Variants in ETAA1 observed in about 807,000 individuals in gnomAD.
The protein encoded by ETAA1 is ETAA1 activator of ATR kinase, also known as ewing's tumor-associated antigen 1.
In ETAA1, 49 loss-of-function variants were observed where a neutral mutation model predicts 76.8. That is an observed-to-expected ratio of 0.64 (90% CI 0.51 to 0.81). The LOEUF is 0.81. Among genes scored for constraint, ETAA1 ranks in the 30% least tolerant of loss-of-function variants. ETAA1 has a pLI of 0.00. For missense variants in ETAA1, 1,099 were observed against 1,074.0 expected, an observed-to-expected ratio of 1.02 and a Z score of -0.32; for synonymous variants, 373 against 372.2, an observed-to-expected ratio of 1.00 and a Z score of -0.03.
rs747070971 is a variant in ETAA1, at chr2:67,397,554, C to A, written c.106C>A (p.Arg36=). The change falls in exon 1 of 6, where the codon CGG becomes AGG. Residue 36 remains arginine, a synonymous_variant. Coordinates refer to ENST00000272342, the MANE Select transcript of ETAA1 (RefSeq NM_019002.4). ...CGSVVEPGRR[R]LRSARGSWPC... ...CTCGGTGGTCGAGCCAGGGAGGAGG[C>A]GGCTGAGATCGGCCCGCGGTTCGTG... 1.3e-6 allele frequency: 2 copies of A among 1,571,440 alleles called. No homozygotes were observed. The highest frequency in any genetic ancestry group is 1.7e-6 in the Non-Finnish European group (2 of 1,158,770).
At position 67,410,135 on chromosome 2, in the gene ETAA1, C is replaced by A; in HGVS notation, c.*97C>A. The A allele has an allele frequency of 8.9e-7, 1 of 1,122,796 alleles. No homozygotes were observed. The allele number at this position is 1,122,796 out of a possible 1,614,324, so 69.6% of individuals were successfully genotyped here. A position where few individuals can be genotyped will look rare whatever the true frequency, so the allele number is the denominator to read the frequency against. ...TGATTTCTCTGTGAGAAATGTAATG[C>A]TGACTTTTATAAAGCCTGGACTTCT... On this transcript the variant is annotated 3_prime_UTR_variant, in exon 6 of 6. Coordinates refer to ENST00000272342, the MANE Select transcript of ETAA1 (RefSeq NM_019002.4).
rs1676143962 is a variant in ETAA1 at position 67,404,389 on chromosome 2, T to G, written c.1707T>G (p.Ser569Arg). 1.9e-6 allele frequency: 3 copies of G among 1,613,236 alleles called. No individual in the cohort carries two copies. Among genetic ancestry groups the G allele is most frequent in the Non-Finnish European group, 2.5e-6 (3 of 1,179,498 alleles). The change falls in exon 5 of 6, where the codon AGT becomes AGG. Residue 569 changes from serine (S) to arginine (R), a missense_variant. By Grantham distance (110) the Ser-to-Arg change is moderately radical (BLOSUM62 -1). This residue lies in a region of ETAA1 where 761 missense variants were observed against 731.9 expected (regional missense o/e 1.04). Transcript: ENST00000272342. ...KTSVSNPNQT[S>R]ASKVGSFFDD... Reference sequence around the variant, plus strand: ...GTGTTAGTAACCCAAATCAGACTAGTGCATCAAAAGTAGGTTCTTTCTTTG... The same window carrying G: ...GTGTTAGTAACCCAAATCAGACTAGGGCATCAAAAGTAGGTTCTTTCTTTG...
chr2:67,407,955 T>C (rs771982435), intron 5 of ETAA1, among the ~76,000 whole-genome samples: 2 of 152,168 alleles, frequency 1.3e-5, no homozygotes, highest in South Asian at 2.1e-4. Flanking sequence ...ACTATAGTTA[T>C]AATTCTATAA....
chr2:67,408,275 G>C (rs906614093), intron 5 of ETAA1, among the ~76,000 whole-genome samples: 1 of 151,958 alleles, frequency 6.6e-6, no homozygotes, highest in African/African-American at 2.4e-5. Flanking sequence ...CCTGCAGCTT[G>C]TTTATGTATA....
chr2:67,404,208 ATATTCT>A lies in ETAA1; in HGVS notation c.1529_1534del (p.Ile510_Leu511del), dbSNP rs1676138915. On this transcript the variant is annotated inframe_deletion, in exon 5 of 6. Transcript: ENST00000272342. ...TCTAATCTGACAAAAATAAAGGAAG[ATATTCT>A]TACTAACTCTACTGAAGCTTCTGAA... The A allele has an allele frequency of 1.9e-6, 3 of 1,611,484 alleles. No individual in the cohort carries two copies. Among genetic ancestry groups the A allele is most frequent in the African/African-American group, 2.7e-5 (2 of 74,780 alleles).
Position 67,404,785 on chromosome 2 carries a change from A to C in ETAA1, c.2103A>C (p.Ser701=), listed in dbSNP as rs373138132. ...QSKHLNPGSI[S]VQTSLTNSSQ... ...AGCATTTGAATCCAGGCAGCATTTC[A>C]GTGCAGACATCTTTGACAAATAGCT... Residue 701 remains serine (S), a synonymous_variant, in exon 5 of 6, where the codon TCA becomes TCC. Transcript: ENST00000272342. The C allele has an allele frequency of 2.5e-6, 4 of 1,613,338 alleles. No individual in the cohort carries two copies. In the African/African-American group the frequency reaches 5.3e-5, roughly 22 times the overall value.
intron 3 of ETAA1, chr2:67,402,605 T>C: frequency 5.3e-6 from 1 of 190,326 alleles, no homozygotes; most frequent in Non-Finnish European, 1.1e-5. Flanking sequence ...TAAAACAATA[T>C]TTTTTTAAAA....
rs942880886 is a variant in ETAA1 at position 67,397,348 on chromosome 2, G to A, written c.-101G>A. 1.5e-4 allele frequency: 188 copies of A among 1,276,560 alleles called. 1 individual carries two copies. Among genetic ancestry groups the A allele is most frequent in the Non-Finnish European group, 2.0e-4 (176 of 899,466 alleles). 79.1% of individuals were successfully genotyped at this position (1,276,560 alleles called of 1,614,324 possible). ...CGCGCGCCCCACCGACCAAAATGGCGGCTGCCGTTGGTGCGGGGTGCGGTT... is the reference window on the plus strand; with the variant it reads ...CGCGCGCCCCACCGACCAAAATGGCAGCTGCCGTTGGTGCGGGGTGCGGTT... On this transcript the variant is annotated 5_prime_UTR_variant, in exon 1 of 6. Transcript: ENST00000272342.
rs2103765683 is a variant in ETAA1 at position 67,411,162 on chromosome 2, A to G, written c.*1124A>G. On this transcript the variant is annotated 3_prime_UTR_variant, in exon 6 of 6. Transcript: ENST00000272342. ...CTATTTGGAATTTGCTAAACCAGTAATAGAAGTCCAACTAGAGGGCGTAAG... is the reference window on the plus strand; with the variant it reads ...CTATTTGGAATTTGCTAAACCAGTAGTAGAAGTCCAACTAGAGGGCGTAAG... 6.6e-6 allele frequency: 1 copy of G among 152,010 alleles called. No individual in the cohort carries two copies. The highest frequency in any genetic ancestry group is 2.4e-5 in the African/African-American group (1 of 41,474). 9.4% of individuals were successfully genotyped at this position (152,010 alleles called of 1,614,324 possible). A position where few individuals can be genotyped will look rare whatever the true frequency, so the allele number is the denominator to read the frequency against.
intron 1 of ETAA1, among the ~76,000 whole-genome samples, chr2:67,398,074 A>G (rs1022010187): frequency 6.6e-6 from 1 of 152,142 alleles, no homozygotes; most frequent in African/African-American, 2.4e-5. Context: ...CCTGCTTTAG[A>G]GAAGAGTTCA....
At position 67,409,934 on chromosome 2, in the gene ETAA1, T is replaced by G. The variant is rs531730496; in HGVS notation, c.2677T>G (p.Cys893Gly). ...AGAGGAAGAAGAGAAAAATAGAAAG[T>G]GTTCTCCTGAAGAAATTCAGAGAAA... ...SKEEEEKNRK[C>G]SPEEIQRKRQ... is the part of the protein sequence containing the mutation. The change falls in exon 6 of 6, where the codon TGT (cysteine) becomes GGT (glycine). Residue 893 changes from cysteine to glycine, a missense_variant. Physicochemically the swap from Cys to Gly is radical, Grantham distance 159. This residue lies in a region of ETAA1 where 302 missense variants were observed against 278.1 expected (regional missense o/e 1.09). Transcript: ENST00000272342. 1.8e-5 allele frequency: 29 copies of G among 1,604,164 alleles called. No homozygotes were observed. In the Admixed American group the frequency reaches 3.1e-4, roughly 17 times the overall value.
In ETAA1 at chr2:67,411,105, T is replaced by G. The variant is rs1333533813; in HGVS notation, c.*1067T>G. The G allele has an allele frequency of 6.6e-6, 1 of 151,924 alleles. No homozygotes were observed. Among genetic ancestry groups the G allele is most frequent in the African/African-American group, 2.4e-5 (1 of 41,288 alleles). 9.4% of individuals were successfully genotyped at this position (151,924 alleles called of 1,614,324 possible). A position where few individuals can be genotyped will look rare whatever the true frequency, so the allele number is the denominator to read the frequency against. On this transcript the variant is annotated 3_prime_UTR_variant, in exon 6 of 6. Coordinates refer to ENST00000272342, the MANE Select transcript of ETAA1 (RefSeq NM_019002.4). ...TGACTCATCTTTTCTTCTCTATTAC[T>G]GTTTTGTTTTTTTCTTTTTTTGCCA... is the stretch of plus-strand genomic sequence containing the variant.
At position 67,410,405 on chromosome 2, in the gene ETAA1, G is replaced by C; in HGVS notation, c.*367G>C. On this transcript the variant is annotated 3_prime_UTR_variant, in exon 6 of 6. Coordinates refer to ENST00000272342, the MANE Select transcript of ETAA1 (RefSeq NM_019002.4). ...CTAATAAAAAACTTCAACTTTCTAAGTTAGTAGAGACTGTTTTTGTAGTTT... is the reference window on the plus strand; with the variant it reads ...CTAATAAAAAACTTCAACTTTCTAACTTAGTAGAGACTGTTTTTGTAGTTT... The C allele has an allele frequency of 6.2e-6, 1 of 160,488 alleles. No homozygotes were observed. Among genetic ancestry groups the C allele is most frequent in the South Asian group, 1.8e-4 (1 of 5,520 alleles). 9.9% of individuals were successfully genotyped at this position (160,488 alleles called of 1,614,324 possible). A position where few individuals can be genotyped will look rare whatever the true frequency, so the allele number is the denominator to read the frequency against.
intron 1 of ETAA1, among the ~76,000 whole-genome samples, chr2:67,398,856 G>T (rs1043649307): frequency 5.9e-5 from 9 of 152,150 alleles, no homozygotes; most frequent in African/African-American, 2.2e-4. Flanking sequence ...ATAAATTACA[G>T]ATGGTTCCCC....
At chr2:67,398,168 C>T (rs993074599) in intron 1 of ETAA1, among the ~76,000 whole-genome samples, 4 of 152,092 alleles carry the variant, frequency 2.6e-5, no homozygotes, top group Non-Finnish European at 2.9e-5. Context: ...GTGTAACATC[C>T]CTCCAAATAA....
intron 5 of ETAA1, among the ~76,000 whole-genome samples, chr2:67,408,504 A>G (rs913877977): frequency 3.5e-4 from 53 of 151,438 alleles, no homozygotes; most frequent in African/African-American, 1.3e-3. Flanking sequence ...CTCAAAGGTT[A>G]ACATTCTTGC....
At chr2:67,402,003 G>C (rs1676071342) in intron 3 of ETAA1, 1 of 151,760 alleles carries the variant, frequency 6.6e-6, no homozygotes, top group Non-Finnish European at 1.5e-5. Flanking sequence ...AAGAGTCCTT[G>C]CCTTTGAGTA....
At chr2:67,399,095 T>G in intron 1 of ETAA1, 74 bp from the exon 2 acceptor site, 3 of 1,355,834 alleles carry the variant, frequency 2.2e-6, no homozygotes, top group Admixed American at 2.3e-5. Flanking sequence ...CTCAGCTATT[T>G]GACCTTGGGG....
rs192768961 is a variant in ETAA1 at position 67,402,530 on chromosome 2, T to G, written c.430-332T>G. Reference sequence around the variant, plus strand: ...TATAAGTATCTTAGGACAATTAAAATGTCAATTTTCTTTTGATAAAAACAT... The same window carrying G: ...TATAAGTATCTTAGGACAATTAAAAGGTCAATTTTCTTTTGATAAAAACAT... On this transcript the variant is annotated intron_variant, in intron 3 of 5. Transcript: ENST00000272342. The G allele has an allele frequency of 2.8e-3, 439 of 154,768 alleles. 2 individuals carry two copies. The highest frequency in any genetic ancestry group is 3.8e-3 in the Non-Finnish European group (263 of 69,726). The allele number at this position is 154,768 out of a possible 1,614,324, so 9.6% of individuals were successfully genotyped here. A position where few individuals can be genotyped will look rare whatever the true frequency, so the allele number is the denominator to read the frequency against.
Sources: gnomAD v4.1 joint callset for allele counts (sites outside exome capture counted in the v4.1 genomes callset) on GRCh38, gnomAD v4.1.1 for gene constraint, gnomAD v4.1.1 regional missense constraint, MANE v1.5 for transcripts, NCBI Gene and HGNC (gene_info 2026-07-23, HGNC 2026-07-21) for gene names.